The following UBR1 variants were observed in gnomAD, a reference collection of about 807,000 sequenced individuals.
UBR1 encodes the protein E3 ubiquitin-protein ligase UBR1.
A neutral mutation model predicts 242.1 loss-of-function variants in UBR1; 102 were observed. That is an observed-to-expected ratio of 0.42 (90% CI 0.36 to 0.50). UBR1 has a LOEUF of 0.50. Among genes scored for constraint, UBR1 ranks in the 20% least tolerant of loss-of-function variants. The probability of loss-of-function intolerance (pLI) is 0.01; values close to 1 mark genes in which losing one functional copy is unlikely to be tolerated. For missense variants in UBR1, 1,772 were observed against 2,101.8 expected (o/e 0.84, Z 3.07); for synonymous variants, 675 against 684.8 (o/e 0.99, Z 0.22).
intron 17 of UBR1, among the ~76,000 whole-genome samples, chr15:43,036,830 T>C (rs2033343178): frequency 6.6e-6 from 1 of 152,156 alleles, no homozygotes. Flanking sequence ...TACTGTCATG[T>C]ATAACAAGAG....
intron 1 of UBR1, among the ~76,000 whole-genome samples, chr15:43,103,723 C>A (rs1158594056): frequency 6.6e-6 from 1 of 152,158 alleles, no homozygotes; most frequent in Non-Finnish European, 1.5e-5. Context: ...GAGACTATAA[C>A]CAGGGATTAG....
intron 5 of UBR1, among the ~76,000 whole-genome samples, chr15:43,068,336 G>A (rs1468842515): frequency 1.3e-5 from 2 of 151,438 alleles, no homozygotes; most frequent in Admixed American, 6.6e-5. Context: ...CTGCAGGCAC[G>A]TGTCACCACA....
chr15:43,017,217 T>TA, intron 27 of UBR1, 36 bp from the exon 28 acceptor site: 1 of 1,414,912 alleles, frequency 7.1e-7, no homozygotes, highest in South Asian at 1.2e-5. Context: ...AAGAGTTAGT[T>TA]AGACTGTTAG....
intron 32 of UBR1, among the ~76,000 whole-genome samples, chr15:43,000,265 A>G (rs1210449624): frequency 2.6e-5 from 4 of 152,220 alleles, no homozygotes; most frequent in African/African-American, 4.8e-5. Context: ...CAGAATTGTT[A>G]CTATAGATTA....
chr15:43,041,379 T>G (rs1002242674), intron 15 of UBR1, among the ~76,000 whole-genome samples: 7 of 151,312 alleles, frequency 4.6e-5, no homozygotes, highest in South Asian at 2.1e-4. Context: ...CACTCATAGG[T>G]GGGAATTGAA....
chr15:43,038,040 T>C (rs908249020), intron 16 of UBR1, 131 bp downstream of exon 16: 3 of 1,212,202 alleles, frequency 2.5e-6, no homozygotes, highest in South Asian at 1.3e-5. Context: ...CAATGTACTA[T>C]ATGAAGATGT....
intron 32 of UBR1, among the ~76,000 whole-genome samples, chr15:43,001,390 G>A (rs966232976): frequency 1.3e-5 from 2 of 152,120 alleles, no homozygotes; most frequent in African/African-American, 2.4e-5. Context: ...CTCGTGATCC[G>A]CCCACCTCGG....
intron 39 of UBR1, among the ~76,000 whole-genome samples, chr15:42,971,866 T>C (rs1180936090): frequency 6.6e-6 from 1 of 152,208 alleles, no homozygotes; most frequent in Non-Finnish European, 1.5e-5. Flanking sequence ...TAATACACTT[T>C]ATTTTTTAAG....
chr15:42,946,477 C>T (rs1487280738), intron 46 of UBR1, among the ~76,000 whole-genome samples: 1 of 152,122 alleles, frequency 6.6e-6, no homozygotes. Context: ...GCTTTGTACC[C>T]TTGTGGAACA....
chr15:43,070,972 T>C (rs1408315325), intron 4 of UBR1, 47 bp from the exon 5 acceptor site: 2 of 1,602,252 alleles, frequency 1.2e-6, no homozygotes, highest in Non-Finnish European at 1.7e-6. Flanking sequence ...TGTATACAAA[T>C]AAATGGATAA....
At chr15:43,011,039 G>T (rs1267696313) in intron 29 of UBR1, among the ~76,000 whole-genome samples, 3 of 151,632 alleles carry the variant, frequency 2.0e-5, no homozygotes, top group Non-Finnish European at 2.9e-5. Context: ...TAGGTGTGGT[G>T]ACACGCCCAT....
intron 3 of UBR1, among the ~76,000 whole-genome samples, chr15:43,078,713 A>G (rs1441381913): frequency 6.6e-6 from 1 of 152,184 alleles, no homozygotes; most frequent in Non-Finnish European, 1.5e-5. Context: ...CATGCCTGCA[A>G]TCCCAATGCT....
intron 12 of UBR1, among the ~76,000 whole-genome samples, chr15:43,051,525 A>C (rs2033554682): frequency 6.6e-6 from 1 of 152,190 alleles, no homozygotes; most frequent in Admixed American, 6.5e-5. Flanking sequence ...CCCCCATGAC[A>C]CAAGTTTACC....
At chr15:42,966,694 A>T (rs1054809880) in intron 40 of UBR1, among the ~76,000 whole-genome samples, 13 of 151,718 alleles carry the variant, frequency 8.6e-5, no homozygotes, top group Non-Finnish European at 1.6e-4. Flanking sequence ...AAAAAAAAAA[A>T]TTTGAGTAGC....
chr15:43,091,888 T>TATGA (rs1241175254), intron 1 of UBR1: 1 of 317,190 alleles, frequency 3.2e-6, no homozygotes, highest in Non-Finnish European at 5.7e-6. Flanking sequence ...GCTGAGATCA[T>TATGA]GCCACTGTAC....
At chr15:43,070,995 T>A in intron 4 of UBR1, 70 bp from the exon 5 acceptor site, 1 of 1,568,074 alleles carries the variant, frequency 6.4e-7, no homozygotes, top group Non-Finnish European at 8.7e-7. Context: ...AAGGTAATGT[T>A]AAGTTAAAAT....
chr15:43,015,955 A>G, intron 28 of UBR1, 86 bp from the exon 29 acceptor site: 2 of 1,268,944 alleles, frequency 1.6e-6, no homozygotes, highest in Non-Finnish European at 2.2e-6. Flanking sequence ...TCCTTAGAAT[A>G]AGATTCTGAA....
intron 45 of UBR1, 100 bp from the exon 46 acceptor site, chr15:42,950,463 G>A: frequency 1.1e-6 from 1 of 942,222 alleles, no homozygotes; most frequent in Non-Finnish European, 1.7e-6. Context: ...GCCAATATCT[G>A]TTAGATATTC....
rs1166215903 is a variant in UBR1 at position 42,966,147 on chromosome 15, A to G, written c.4591+6T>C. ...TTCCACTCCATGATTTCATTTTTCT[A>G]CTTACTGGTATGCAGTTCCTCAGGC... On this transcript the variant is annotated splice_donor_region_variant and intron_variant, in intron 41 of 46. Transcript: ENST00000290650. 6.2e-7 allele frequency: 1 copy of G among 1,614,134 alleles called. No homozygotes were observed.
Sources: allele counts gnomAD v4.1 joint callset (sites outside exome capture counted in the v4.1 genomes callset), GRCh38; gene constraint gnomAD v4.1.1; transcripts MANE v1.5; gene names NCBI Gene and HGNC (gene_info 2026-07-23, HGNC 2026-07-21).